The following MECOM variants were observed in gnomAD, a reference collection of about 807,000 sequenced individuals.
MECOM encodes the protein histone-lysine N-methyltransferase MECOM.
A neutral mutation model predicts 116.3 loss-of-function variants in MECOM; 13 were observed. The observed-to-expected ratio is 0.11, with a 90% CI of 0.07 to 0.18. MECOM has a LOEUF of 0.18. Among genes scored for constraint, MECOM ranks in the 10% least tolerant of loss-of-function variants. MECOM has a pLI of 1.00. For synonymous variants in MECOM, 528 were observed against 535.2 expected, an observed-to-expected ratio of 0.99 and a Z score of 0.19; for missense variants, 1,299 against 1,509.0, an observed-to-expected ratio of 0.86 and a Z score of 2.31.
At chr3:169,445,188 T>TG (rs755962745) in intron 1 of MECOM, among the ~76,000 whole-genome samples, 13 of 152,106 alleles carry the variant, frequency 8.5e-5, no homozygotes, top group Non-Finnish European at 1.6e-4. Context: ...AGGAAGACCA[T>TG]GGGGAAAATG....
intron 3 of MECOM, among the ~76,000 whole-genome samples, chr3:169,136,463 A>T (rs1577111586): frequency 6.6e-6 from 1 of 151,702 alleles, no homozygotes; most frequent in South Asian, 2.1e-4. Flanking sequence ...TTGGAATTAG[A>T]ATTAATCATA....
chr3:169,312,952 T>A (rs1004115556), intron 2 of MECOM, among the ~76,000 whole-genome samples: 2 of 152,100 alleles, frequency 1.3e-5, no homozygotes, highest in African/African-American at 4.8e-5. Flanking sequence ...CCCTGGAGAA[T>A]GAGCATGAAG....
chr3:169,137,766 T>G (rs1023652414), intron 3 of MECOM, among the ~76,000 whole-genome samples: 1 of 152,158 alleles, frequency 6.6e-6, no homozygotes, highest in Non-Finnish European at 1.5e-5. Flanking sequence ...GTATAACTTA[T>G]TGAATGAAAC....
chr3:169,152,193 A>G (rs1352955810), intron 2 of MECOM, among the ~76,000 whole-genome samples: 1 of 152,132 alleles, frequency 6.6e-6, no homozygotes, highest in Non-Finnish European at 1.5e-5. Context: ...ACTGCACTGA[A>G]GAGAGATTAC....
intron 1 of MECOM, among the ~76,000 whole-genome samples, chr3:169,659,374 T>C (rs1169597183): frequency 6.8e-6 from 1 of 147,982 alleles, no homozygotes; most frequent in Non-Finnish European, 1.5e-5. Flanking sequence ...TAATGAACCG[T>C]TCCCTTCCAC....
intron 12 of MECOM, among the ~76,000 whole-genome samples, chr3:169,099,610 TAA>T (rs11296937): frequency 2.0e-5 from 3 of 151,918 alleles, no homozygotes; most frequent in Admixed American, 6.6e-5. Flanking sequence ...ATTTTACCAT[TAA>T]AAAAATATTT....
chr3:169,656,253 G>T (rs1163376582), intron 1 of MECOM, among the ~76,000 whole-genome samples: 1 of 152,052 alleles, frequency 6.6e-6, no homozygotes, highest in Non-Finnish European at 1.5e-5. Context: ...AGGAAATGTT[G>T]GTTCTTTATG....
At chr3:169,480,904 CTTGT>C (rs1441767045) in intron 1 of MECOM, among the ~76,000 whole-genome samples, 2 of 151,404 alleles carry the variant, frequency 1.3e-5, no homozygotes, top group African/African-American at 4.9e-5. Context: ...GGCGGGGGGG[CTTGT>C]TTGTTATTTG....
intron 10 of MECOM, among the ~76,000 whole-genome samples, chr3:169,103,383 AT>A (rs1200262508): frequency 1.3e-5 from 2 of 152,052 alleles, no homozygotes; most frequent in Non-Finnish European, 1.5e-5. Flanking sequence ...TTATTACTGA[AT>A]TTTTAAGTAG....
chr3:169,330,183 G>A (rs938572168), intron 2 of MECOM, among the ~76,000 whole-genome samples: 4 of 152,018 alleles, frequency 2.6e-5, no homozygotes, highest in African/African-American at 9.7e-5. Context: ...CTGCCACCAC[G>A]ACCAGCTAAT....
At chr3:169,249,407 A>G (rs1356321810) in intron 2 of MECOM, among the ~76,000 whole-genome samples, 1 of 152,178 alleles carries the variant, frequency 6.6e-6, no homozygotes, top group East Asian at 1.9e-4. Context: ...AACTAAACCT[A>G]CAAATAGTGT....
intron 1 of MECOM, among the ~76,000 whole-genome samples, chr3:169,467,266 T>C (rs1748454527): frequency 6.6e-6 from 1 of 152,102 alleles, no homozygotes; most frequent in Non-Finnish European, 1.5e-5. Context: ...TGGAAAACAA[T>C]AGCACAGGGC....
intron 1 of MECOM, among the ~76,000 whole-genome samples, chr3:169,660,466 T>TA (rs1703369485): frequency 6.6e-6 from 1 of 152,166 alleles, no homozygotes; most frequent in Non-Finnish European, 1.5e-5. Flanking sequence ...GTCCGTGGTC[T>TA]CTGGTCTAGG....
intron 1 of MECOM, among the ~76,000 whole-genome samples, chr3:169,638,088 T>C (rs575364953): frequency 1.3e-5 from 2 of 152,356 alleles, no homozygotes; most frequent in East Asian, 3.9e-4. Context: ...AAGTACTTTA[T>C]ACAAGTTGCA....
At chr3:169,434,342 A>G (rs915299249) in intron 1 of MECOM, among the ~76,000 whole-genome samples, 1 of 152,196 alleles carries the variant, frequency 6.6e-6, no homozygotes, top group East Asian at 1.9e-4. Flanking sequence ...GGTGCCTACC[A>G]GAAATAATAG....
intron 1 of MECOM, among the ~76,000 whole-genome samples, chr3:169,397,680 C>T (rs1391754397): frequency 2.0e-5 from 3 of 152,138 alleles, no homozygotes; most frequent in East Asian, 1.9e-4. Flanking sequence ...ATACATGACA[C>T]GACCTTGATA....
intron 4 of MECOM, among the ~76,000 whole-genome samples, chr3:169,130,270 C>T (rs1395940317): frequency 6.6e-6 from 1 of 152,064 alleles, no homozygotes; most frequent in African/African-American, 2.4e-5. Flanking sequence ...ATATTCATTG[C>T]ACCAGAGAAA....
chr3:169,145,551 AAAAAG>A (rs1739626314), intron 2 of MECOM: 1 of 227,480 alleles, frequency 4.4e-6, no homozygotes, highest in African/African-American at 2.2e-5. Context: ...AGAAAAAAAG[AAAAAG>A]AAAAGGCAGT....
chr3:169,120,956 G>T, intron 7 of MECOM, 100 bp downstream of exon 7: 1 of 1,246,518 alleles, frequency 8.0e-7, no homozygotes, highest in Non-Finnish European at 1.1e-6. Context: ...TAGCTAACAC[G>T]GTGACCCTCT....
Sources: allele counts gnomAD v4.1 joint callset (sites outside exome capture counted in the v4.1 genomes callset), GRCh38; gene constraint gnomAD v4.1.1; transcripts MANE v1.5; gene names NCBI Gene and HGNC (gene_info 2026-07-23, HGNC 2026-07-21).